Variants in RAD21L1 observed in about 807,000 individuals in gnomAD.
The protein encoded by RAD21L1 is RAD21 cohesin complex component like 1, also known as double-strand-break repair protein rad21-like protein 1.
A neutral mutation model predicts 69.0 loss-of-function variants in RAD21L1; 47 were observed. The ratio of observed to expected loss-of-function variants is 0.68; its 90% CI spans 0.54 to 0.87. The LOEUF is 0.87. Among genes scored for constraint, RAD21L1 ranks in the 40% least tolerant of loss-of-function variants. The pLI, the probability that RAD21L1 is intolerant of heterozygous loss-of-function variation, is 0.00. For synonymous variants in RAD21L1, 177 were observed against 205.8 expected (o/e 0.86, Z 1.20); for missense variants, 583 against 647.6 (o/e 0.90, Z 1.08).
At chr20:1,231,131 A>AT (rs2087381935) in intron 3 of RAD21L1, among the ~76,000 whole-genome samples, 1 of 152,204 alleles carries the variant, frequency 6.6e-6, no homozygotes, top group Admixed American at 6.5e-5. Flanking sequence ...AGGGAATAGC[A>AT]TTCTAGGCGG....
At chr20:1,243,070 A>C in intron 9 of RAD21L1, 27 bp from the exon 10 acceptor site, 1 of 1,443,082 alleles carries the variant, frequency 6.9e-7, no homozygotes, top group South Asian at 1.3e-5. Flanking sequence ...ACAAAAACAA[A>C]AAAAACAAAA....
Position 1,240,348 on chromosome 20 carries a change from G to T in RAD21L1, c.770G>T (p.Cys257Phe), listed in dbSNP as rs2087581407. ...AVEPDNSECI[C>F]VPENEKMNET... is the part of the protein sequence containing the mutation. ...GAACCAGATAACTCAGAGTGTATATGTGTACCTGAAAATGAAAAAATGAAT... is the reference window on the plus strand; with the variant it reads ...GAACCAGATAACTCAGAGTGTATATTTGTACCTGAAAATGAAAAAATGAAT... The change falls in exon 8 of 14, where the codon TGT becomes TTT. Residue 257 changes from cysteine to phenylalanine, a missense_variant. Transcript: ENST00000683101. 6.5e-7 allele frequency: 1 copy of T among 1,548,858 alleles called. No homozygotes were observed. The highest frequency in any genetic ancestry group is 1.4e-5 in the African/African-American group (1 of 72,908).
intron 1 of RAD21L1, among the ~76,000 whole-genome samples, chr20:1,228,040 G>C (rs1056138632): frequency 2.6e-5 from 4 of 152,028 alleles, no homozygotes; most frequent in Non-Finnish European, 4.4e-5. Flanking sequence ...GCTTTTCTTG[G>C]TTTTGTCTAC....
At chr20:1,248,779 T>A in intron 13 of RAD21L1, 76 bp downstream of exon 13, 1 of 814,618 alleles carries the variant, frequency 1.2e-6, no homozygotes. Context: ...TTCCATATAT[T>A]AATGAAAACG....
intron 4 of RAD21L1, among the ~76,000 whole-genome samples, chr20:1,232,299 CTTTTA>C (rs755170597): frequency 2.6e-5 from 4 of 152,084 alleles, no homozygotes; most frequent in Non-Finnish European, 4.4e-5. Flanking sequence ...TACAGCGGGA[CTTTTA>C]TTTTACTCAG....
chr20:1,239,977 G>A, intron 7 of RAD21L1, among the ~76,000 whole-genome samples: 1 of 151,606 alleles, frequency 6.6e-6, no homozygotes, highest in Non-Finnish European at 1.5e-5. Context: ...TGATTTAACA[G>A]AATAGAATTT....
rs947374729 is a variant in RAD21L1, at chr20:1,227,062, A to G, written c.-33+922A>G. Among the ~76,000 whole-genome samples, 11 of 152,170 alleles carry G rather than the reference A, an allele frequency of 7.2e-5. No homozygotes were observed. In the South Asian group the frequency reaches 2.3e-3, roughly 32 times the overall value. ...GTAGCTGGGATTACAGACGCCCGCC[A>G]CCGTGCCTGGCTACTTTTTGTACTT... On this transcript the variant is annotated intron_variant, in intron 1 of 13. Transcript: ENST00000683101.
chr20:1,234,230 C>A (rs1339042078), intron 5 of RAD21L1, 39 bp downstream of exon 5: 2 of 905,842 alleles, frequency 2.2e-6, no homozygotes, highest in South Asian at 1.5e-5. Flanking sequence ...AAATTATAAT[C>A]AATTATATTT....
intron 1 of RAD21L1, among the ~76,000 whole-genome samples, chr20:1,226,684 C>T (rs999106560): frequency 2.6e-5 from 4 of 152,086 alleles, no homozygotes; most frequent in Non-Finnish European, 4.4e-5. Flanking sequence ...GTGGCCCCAT[C>T]CCGGTGGCTT....
intron 5 of RAD21L1, among the ~76,000 whole-genome samples, chr20:1,235,120 C>T (rs2087467506): frequency 6.6e-6 from 1 of 152,128 alleles, no homozygotes; most frequent in South Asian, 2.1e-4. Context: ...ATCTCCTACT[C>T]CCTGTCTTAT....
Position 1,242,815 on chromosome 20 carries a change from C to T in RAD21L1, c.1053C>T (p.Ala351=), listed in dbSNP as rs1347159418. Residue 351 remains alanine (A), a synonymous_variant, in exon 9 of 14, where the codon GCC becomes GCT. Transcript: ENST00000683101. ...TGCATACACTTCTGTCAACTGCTGC[C>T]CAGGATTTGATTCATGCTGAACTGA... ...GGVHTLLSTA[A]QDLIHAELKM... is the part of the protein sequence containing the mutation. 3 of 1,551,272 alleles carry T rather than the reference C, an allele frequency of 1.9e-6. No individual in the cohort carries two copies. The highest frequency in any genetic ancestry group is 3.9e-5 in the Admixed American group (2 of 50,976).
Position 1,242,730 on chromosome 20 carries a change from T to A in RAD21L1, c.968T>A (p.Met323Lys). 6.4e-7 allele frequency: 1 copy of A among 1,551,696 alleles called. No individual in the cohort carries two copies. The highest frequency in any genetic ancestry group is 8.7e-7 in the Non-Finnish European group (1 of 1,146,950). The change falls in exon 9 of 14, where the codon ATG becomes AAG. Residue 323 changes from methionine to lysine, a missense_variant. Met to Lys is a moderately conservative substitution (Grantham distance 95, BLOSUM62 -1). Transcript: ENST00000683101. ...CTTACTTCCTTTGCGGACACACTCA[T>A]GGTTTTGGAACTTGCACCTCCTACC... ...KQLTSFADTLMVLELAPPTQR... is the reference protein window; with the variant it reads ...KQLTSFADTLKVLELAPPTQR...
rs1206459474 is a variant in RAD21L1, at chr20:1,238,013, GA to G, written c.476-29del. 2.5e-6 allele frequency: 3 copies of G among 1,212,322 alleles called. No homozygotes were observed. In the Admixed American group the frequency reaches 7.0e-5, roughly 28 times the overall value. 75.1% of individuals were successfully genotyped at this position (1,212,322 alleles called of 1,614,324 possible). A position where few individuals can be genotyped will look rare whatever the true frequency, so the allele number is the denominator to read the frequency against. ...TAACCCTATAATTCTGTGTTTCTAT[GA>G]ATTAGTATTAATGATATATATTTAT... is the stretch of plus-strand genomic sequence containing the variant. On this transcript the variant is annotated intron_variant, in intron 5 of 13. Transcript: ENST00000683101.
intron 8 of RAD21L1, among the ~76,000 whole-genome samples, chr20:1,241,486 G>A (rs1407661421): frequency 6.6e-6 from 1 of 152,044 alleles, no homozygotes; most frequent in Non-Finnish European, 1.5e-5. Context: ...TATAAACTCA[G>A]GCATGCAAAC....
chr20:1,253,274 G>A (rs551438081), intron 13 of RAD21L1, among the ~76,000 whole-genome samples: 89 of 152,180 alleles, frequency 5.8e-4, no homozygotes, highest in Non-Finnish European at 1.0e-3. Context: ...AGGGACATTG[G>A]CCAGTATTCA....
At chr20:1,234,644 G>A (rs1166890243) in intron 5 of RAD21L1, among the ~76,000 whole-genome samples, 1 of 152,214 alleles carries the variant, frequency 6.6e-6, no homozygotes, top group Non-Finnish European at 1.5e-5. Flanking sequence ...CAGCCTGGGG[G>A]TGAGGAAGAG....
intron 5 of RAD21L1, among the ~76,000 whole-genome samples, chr20:1,237,623 G>C (rs1290777097): frequency 6.6e-6 from 1 of 150,984 alleles, no homozygotes; most frequent in Non-Finnish European, 1.5e-5. Flanking sequence ...TCCATTTCCT[G>C]AGATGACTAA....
Position 1,234,179 on chromosome 20 carries a change from G to T in RAD21L1, c.463G>T (p.Ala155Ser). 6.8e-7 allele frequency: 1 copy of T among 1,464,094 alleles called. No homozygotes were observed. 90.7% of individuals were successfully genotyped at this position (1,464,094 alleles called of 1,614,324 possible). ...TTTTGACAATGATCTAATTTTCCAA[G>T]CTGAGAGCTTTGGTGAGAATATTTG... ...ENFDNDLIFQ[A>S]ESFGEESEIL... Residue 155 changes from alanine to serine, a missense_variant, in exon 5 of 14, where the codon GCT becomes TCT. Coordinates refer to ENST00000683101, the MANE Select transcript of RAD21L1 (RefSeq NM_001384355.1).
At position 1,244,182 on chromosome 20, in the gene RAD21L1, A is replaced by G. The variant is rs1449339039; in HGVS notation, c.1308+12A>G. 6 of 1,511,236 alleles carry G rather than the reference A, an allele frequency of 4.0e-6. No homozygotes were observed. The highest frequency in any genetic ancestry group is 5.4e-6 in the Non-Finnish European group (6 of 1,120,336). 93.6% of individuals were successfully genotyped at this position (1,511,236 alleles called of 1,614,324 possible). A position where few individuals can be genotyped will look rare whatever the true frequency, so the allele number is the denominator to read the frequency against. On this transcript the variant is annotated intron_variant, in intron 11 of 13. Coordinates refer to ENST00000683101, the MANE Select transcript of RAD21L1 (RefSeq NM_001384355.1). Reference sequence around the variant, plus strand: ...ATATTAACTCTGAGGTAAGTTATCCAGAGAGAATCGTAAAAATATTTTATT... The same window carrying G: ...ATATTAACTCTGAGGTAAGTTATCCGGAGAGAATCGTAAAAATATTTTATT...
Sources: allele counts gnomAD v4.1 joint callset (sites outside exome capture counted in the v4.1 genomes callset), GRCh38; gene constraint gnomAD v4.1.1; transcripts MANE v1.5; gene names NCBI Gene and HGNC (gene_info 2026-07-23, HGNC 2026-07-21).